Variants in PAPPA observed in about 807,000 individuals in gnomAD.
PAPPA encodes the protein pappalysin-1.
Under a neutral mutation model 164.0 loss-of-function variants are expected in PAPPA, and 60 were observed. The ratio of observed to expected loss-of-function variants is 0.37; its 90% CI spans 0.30 to 0.45. The LOEUF (loss-of-function observed/expected upper bound fraction) is 0.45, where lower values mean the gene tolerates loss of function less well. Ranked by LOEUF, PAPPA falls within the 20% of genes least tolerant of loss-of-function variation. PAPPA has a pLI of 1.00. For missense variants in PAPPA, 1,782 were observed against 2,087.3 expected, an observed-to-expected ratio of 0.85 and a Z score of 2.85; for synonymous variants, 875 against 814.1, an observed-to-expected ratio of 1.07 and a Z score of -1.27.
At chr9:116,283,300 T>C (rs992496263) in intron 9 of PAPPA, among the ~76,000 whole-genome samples, 1 of 152,142 alleles carries the variant, frequency 6.6e-6, no homozygotes, top group Non-Finnish European at 1.5e-5. Flanking sequence ...CTGGGAGCAG[T>C]GGAAAGCCTC....
intron 3 of PAPPA, among the ~76,000 whole-genome samples, chr9:116,210,651 A>G (rs1844295219): frequency 6.6e-6 from 1 of 152,206 alleles, no homozygotes; most frequent in African/African-American, 2.4e-5. Context: ...TTCTGCTGAG[A>G]TCTGTTCTGT....
intron 1 of PAPPA, among the ~76,000 whole-genome samples, chr9:116,168,963 T>C (rs958368179): frequency 2.6e-5 from 4 of 152,142 alleles, no homozygotes; most frequent in African/African-American, 9.7e-5. Context: ...GTCATGTCGG[T>C]GAGGGCTGGC....
chr9:116,284,705 C>A (rs1263682866), intron 9 of PAPPA, among the ~76,000 whole-genome samples: 2 of 152,216 alleles, frequency 1.3e-5, no homozygotes, highest in Non-Finnish European at 2.9e-5. Flanking sequence ...ACTGGTGGCG[C>A]CAGTAGCCAA....
intron 20 of PAPPA, among the ~76,000 whole-genome samples, chr9:116,380,125 G>GTTAA (rs1588028346): frequency 1.3e-5 from 2 of 152,180 alleles, no homozygotes; most frequent in East Asian, 3.9e-4. Flanking sequence ...GTTGAAATTG[G>GTTAA]TTAATTAGAT....
At chr9:116,284,831 C>T (rs1010589842) in intron 9 of PAPPA, among the ~76,000 whole-genome samples, 3 of 152,112 alleles carry the variant, frequency 2.0e-5, no homozygotes, top group African/African-American at 7.2e-5. Flanking sequence ...ATCTTGTCTG[C>T]GTCCAAATCA....
At chr9:116,346,196 T>C (rs989742237) in intron 14 of PAPPA, among the ~76,000 whole-genome samples, 3 of 152,168 alleles carry the variant, frequency 2.0e-5, no homozygotes, top group Non-Finnish European at 4.4e-5. Context: ...ATTTAGCGGC[T>C]TCCTCCTTGA....
chr9:116,319,938 T>A lies in PAPPA; in HGVS notation c.3148-11306T>A, dbSNP rs1436903664. Among the ~76,000 whole-genome samples, 16 of 152,338 alleles carry A rather than the reference T, an allele frequency of 1.1e-4. No individual in the cohort carries two copies. In the South Asian group the frequency reaches 3.1e-3, roughly 30 times the overall value. On this transcript the variant is annotated intron_variant, in intron 10 of 21. Coordinates refer to ENST00000328252, the MANE Select transcript of PAPPA (RefSeq NM_002581.5). ...CTTTACCACTTTCATGAATGGTGTCTTAGGCCTCTAACATAAGCTTTTCCC... is the reference window on the plus strand; with the variant it reads ...CTTTACCACTTTCATGAATGGTGTCATAGGCCTCTAACATAAGCTTTTCCC...
At position 116,154,627 on chromosome 9, in the gene PAPPA, C is replaced by T. The variant is rs1293463874; in HGVS notation, c.415+40C>T. 2 of 1,286,958 alleles carry T rather than the reference C, an allele frequency of 1.6e-6. No individual in the cohort carries two copies. The highest frequency in any genetic ancestry group is 2.0e-6 in the Non-Finnish European group (2 of 1,016,082). The allele number at this position is 1,286,958 out of a possible 1,614,324, so 79.7% of individuals were successfully genotyped here. A position where few individuals can be genotyped will look rare whatever the true frequency, so the allele number is the denominator to read the frequency against. On this transcript the variant is annotated intron_variant, in intron 1 of 21. Transcript: ENST00000328252. This position sits in a 1 kb window ranked among gnomAD's most constrained non-coding sequence, Gnocchi z 5.2. ...CTCGGCGGGCGCTGCACCGTCCCTG[C>T]GGCCCCAGAGGCTCGCGGGTGTCTG...
chr9:116,238,878 T>C (rs1319529726), intron 7 of PAPPA, among the ~76,000 whole-genome samples: 1 of 152,164 alleles, frequency 6.6e-6, no homozygotes, highest in Non-Finnish European at 1.5e-5. Context: ...GTAATTTGAG[T>C]CCTGAACCCC....
chr9:116,343,113 C>T (rs570253395), intron 13 of PAPPA, among the ~76,000 whole-genome samples: 12 of 152,178 alleles, frequency 7.9e-5, no homozygotes, highest in East Asian at 3.8e-4. Context: ...CCTAATCTTG[C>T]CAGTCCCCAA....
At position 116,235,446 on chromosome 9, in the gene PAPPA, C is replaced by T. The variant is rs76135391; in HGVS notation, c.2541C>T (p.Gly847=). ...VPLTIRLWDV[G]EEVYGIQIYT... Reference sequence around the variant, plus strand: ...TGACCATCAGACTCTGGGACGTGGGCGAGGAGGTGTATGGCATCCAAATCT... The same window carrying T: ...TGACCATCAGACTCTGGGACGTGGGTGAGGAGGTGTATGGCATCCAAATCT... Residue 847 remains glycine (G), a synonymous_variant, in exon 7 of 22, where the codon GGC becomes GGT. Transcript: ENST00000328252. The T allele has an allele frequency of 1.2e-4, 194 of 1,612,836 alleles. 1 individual carries two copies. In the East Asian group the frequency reaches 3.5e-3, roughly 29 times the overall value.
rs144766369 is a variant in PAPPA, at chr9:116,187,498, G to C, written c.760G>C (p.Glu254Gln). ...GAATCACAACTACCGGGGCTACATC[G>C]AGCACTTCAGTCTGTGGAAGGTGGC... The part of the protein sequence containing the change: ...ALNHNYRGYI[E>Q]HFSLWKVART... The change falls in exon 2 of 22, where the codon GAG becomes CAG. Residue 254 changes from glutamate (E) to glutamine (Q), a missense_variant. Coordinates refer to ENST00000328252, the MANE Select transcript of PAPPA (RefSeq NM_002581.5). The surrounding 1 kb of genome is among the most constrained non-coding windows in gnomAD (Gnocchi z 4.2). 6.2e-7 allele frequency: 1 copy of C among 1,614,004 alleles called. No homozygotes were observed.
At chr9:116,388,138 G>A (rs1270811628) in intron 21 of PAPPA, among the ~76,000 whole-genome samples, 2 of 152,120 alleles carry the variant, frequency 1.3e-5, no homozygotes, top group African/African-American at 4.8e-5. Flanking sequence ...ACCTGGGCCC[G>A]GCTGGCAGAC....
chr9:116,153,805 G>C lies in PAPPA; in HGVS notation c.-368G>C, dbSNP rs1363019099. 2 of 150,754 alleles carry C rather than the reference G, an allele frequency of 1.3e-5. No individual in the cohort carries two copies. Among genetic ancestry groups the C allele is most frequent in the African/African-American group, 4.9e-5 (2 of 40,702 alleles). The allele number at this position is 150,754 out of a possible 1,614,324, so 9.3% of individuals were successfully genotyped here. Reference sequence around the variant, plus strand: ...ATAAATAAATTAGAGCATCTTTTGGGGGGAGGGAATTCAGCGGATCAGTCT... The same window carrying C: ...ATAAATAAATTAGAGCATCTTTTGGCGGGAGGGAATTCAGCGGATCAGTCT... On this transcript the variant is annotated 5_prime_UTR_variant, in exon 1 of 22. Transcript: ENST00000328252.
rs1017771580 is a variant in PAPPA at position 116,347,879 on chromosome 9, T to A, written c.3964+670T>A. ...AAAAAGTGAGTAGCTGGCCTGGGTG[T>A]CCTAGAATGCTGGGACTAGATGTGG... On this transcript the variant is annotated intron_variant, in intron 15 of 21. Transcript: ENST00000328252. The surrounding 1 kb of genome is among the most constrained non-coding windows in gnomAD (Gnocchi z 4.5). Among the ~76,000 whole-genome samples, 12 of 152,164 alleles carry A rather than the reference T, an allele frequency of 7.9e-5. No individual in the cohort carries two copies. Among genetic ancestry groups the A allele is most frequent in the Non-Finnish European group, 1.3e-4 (9 of 68,020 alleles).
chr9:116,221,051 G>A (rs424464), intron 5 of PAPPA, among the ~76,000 whole-genome samples: 80,661 of 151,334 alleles, frequency 0.53, 21,969 homozygotes, highest in East Asian at 0.81. Context: ...CTGACTGTTC[G>A]TTAATTAACC....
intron 9 of PAPPA, among the ~76,000 whole-genome samples, chr9:116,277,394 T>C (rs546660630): frequency 1.3e-3 from 195 of 152,188 alleles, no homozygotes; most frequent in Middle Eastern, 0.01. Context: ...GGTGATAATA[T>C]CTCAGCTAGG....
At chr9:116,161,485 T>C (rs1843664315) in intron 1 of PAPPA, among the ~76,000 whole-genome samples, 1 of 152,228 alleles carries the variant, frequency 6.6e-6, no homozygotes, top group African/African-American at 2.4e-5. Flanking sequence ...TTAAATTGTG[T>C]GATTCTACAA....
chr9:116,361,168 A>C (rs967460274), intron 17 of PAPPA, among the ~76,000 whole-genome samples: 7 of 152,198 alleles, frequency 4.6e-5, no homozygotes, highest in African/African-American at 1.7e-4. Flanking sequence ...CCAGCACAGG[A>C]GTTTGCATGG....
Sources: allele counts gnomAD v4.1 joint callset (sites outside exome capture counted in the v4.1 genomes callset), GRCh38; gene constraint gnomAD v4.1.1; non-coding constraint Gnocchi (gnomAD v3.1); transcripts MANE v1.5; gene names NCBI Gene and HGNC (gene_info 2026-07-23, HGNC 2026-07-21).